UMODL1: variants seen among roughly 807,000 people sequenced by gnomAD.
UMODL1 encodes the protein uromodulin-like 1.
A neutral mutation model predicts 136.3 loss-of-function variants in UMODL1; 128 were observed. That is an observed-to-expected ratio of 0.94 (90% CI 0.81 to 1.09). The LOEUF is 1.09. Ranked by LOEUF, UMODL1 falls within the 50% of genes least tolerant of loss-of-function variation. The pLI, the probability that UMODL1 is intolerant of heterozygous loss-of-function variation, is 0.00. For missense variants in UMODL1, 1,766 were observed against 1,725.6 expected (o/e 1.02, Z -0.41); for synonymous variants, 721 against 720.0 (o/e 1.00, Z -0.02).
intron 19 of UMODL1, 104 bp downstream of exon 19, chr21:42,127,346 G>A: frequency 1.8e-6 from 2 of 1,101,630 alleles, no homozygotes; most frequent in Non-Finnish European, 2.7e-6. Flanking sequence ...CAATGCCCAG[G>A]GCTTCATTAA....
intron 9 of UMODL1, 132 bp from the exon 10 acceptor site, chr21:42,109,430 G>A: frequency 8.5e-7 from 1 of 1,178,846 alleles, no homozygotes; most frequent in Admixed American, 2.1e-5. Flanking sequence ...TTGGACGGAT[G>A]CCCCAAAATG....
chr21:42,107,868 C>A (rs1355242973), intron 9 of UMODL1, among the ~76,000 whole-genome samples: 2 of 152,190 alleles, frequency 1.3e-5, no homozygotes, highest in East Asian at 1.9e-4. Context: ...GCAGCTGCCC[C>A]CATTGCTCCA....
intron 1 of UMODL1, among the ~76,000 whole-genome samples, chr21:42,073,547 G>T (rs2066255505): frequency 6.6e-6 from 1 of 152,154 alleles, no homozygotes; most frequent in Non-Finnish European, 1.5e-5. Context: ...CTTGTGGAGT[G>T]GGGTCGCTGT....
upstream of UMODL1, among the ~76,000 whole-genome samples, chr21:42,067,900 G>T (rs1192198773): frequency 6.6e-6 from 1 of 152,254 alleles, no homozygotes; most frequent in Admixed American, 6.5e-5. Flanking sequence ...AAAAGGAAAA[G>T]TCATTCGGGC....
At chr21:42,065,100 C>G (rs990080338) in intron 1 of UMODL1, among the ~76,000 whole-genome samples, 2 of 152,110 alleles carry the variant, frequency 1.3e-5, no homozygotes, top group African/African-American at 2.4e-5. Context: ...GTCCTTTTAT[C>G]CCAACCTCAG....
chr21:42,081,277 C>T (rs1417854297), intron 2 of UMODL1, among the ~76,000 whole-genome samples: 3 of 152,212 alleles, frequency 2.0e-5, no homozygotes, highest in Non-Finnish European at 4.4e-5. Flanking sequence ...GAGACAGGAG[C>T]GACTCCTCCT....
intron 4 of UMODL1, among the ~76,000 whole-genome samples, chr21:42,086,209 C>T (rs946166277): frequency 2.0e-5 from 3 of 152,232 alleles, no homozygotes; most frequent in African/African-American, 4.8e-5. Context: ...TCAGAGGGGC[C>T]TCAGCTTGGT....
In UMODL1 at chr21:42,104,011, C is replaced by T; in HGVS notation, c.1443C>T (p.Ser481=). The change falls in exon 9 of 23, where the codon TCC becomes TCT. Residue 481 remains serine, a synonymous_variant. Transcript: ENST00000408910. ...ACCCCGGGTTTCCCATGGGCATCTC[C>T]ACGCTGGCCCCCATACTCCAGCCCC... ...VQDPGFPMGI[S]TLAPILQPLL... 6.2e-7 allele frequency: 1 copy of T among 1,614,032 alleles called. No homozygotes were observed. Among genetic ancestry groups the T allele is most frequent in the Non-Finnish European group, 8.5e-7 (1 of 1,180,038 alleles).
At chr21:42,119,813 A>G (rs13047454) in intron 15 of UMODL1, among the ~76,000 whole-genome samples, 57,193 of 152,128 alleles carry the variant, frequency 0.38, 10,911 homozygotes, top group Middle Eastern at 0.48. Context: ...AAAATTGGAG[A>G]TTCATATTAA....
chr21:42,130,492 AGTTGTCCCGTAGTATCT>A (rs138674281), intron 21 of UMODL1, among the ~76,000 whole-genome samples: 3,292 of 152,216 alleles, frequency 0.022, 62 homozygotes, highest in Non-Finnish European at 0.033. Flanking sequence ...AGAAACCGCT[AGTTGTCCCGTAGTATCT>A]GTTCTCCTCC....
upstream of UMODL1, among the ~76,000 whole-genome samples, chr21:42,066,501 G>A (rs1824311590): frequency 6.6e-6 from 1 of 152,154 alleles, no homozygotes. Context: ...GACCAGGCTG[G>A]TCTTGAACTC....
chr21:42,119,937 C>A (rs220148), intron 15 of UMODL1, among the ~76,000 whole-genome samples: 104,651 of 152,094 alleles, frequency 0.69, 36,283 homozygotes, highest in Middle Eastern at 0.79. Context: ...ACCATTTTAA[C>A]GCAAAGTAAA....
chr21:42,084,537 A>C (rs2066402944), intron 3 of UMODL1, among the ~76,000 whole-genome samples: 1 of 152,014 alleles, frequency 6.6e-6, no homozygotes, highest in Non-Finnish European at 1.5e-5. Context: ...AGAGGCCAGG[A>C]GCTCCAGGTA....
rs78516975 is a variant in UMODL1, at chr21:42,121,313, T to A, written c.2827+89T>A. ...TCACGTGCAAAGGGCTTCTTGTCCC[T>A]CTGAGGTCATATTTTTATGTCCTGG... On this transcript the variant is annotated intron_variant, in intron 16 of 22. Transcript: ENST00000408910. 8.6e-3 allele frequency: 12,715 copies of A among 1,482,780 alleles called. 174 individuals carry two copies. Among genetic ancestry groups the A allele is most frequent in the South Asian group, 0.036 (2,713 of 74,872 alleles). The allele number at this position is 1,482,780 out of a possible 1,614,324, so 91.9% of individuals were successfully genotyped here. A position where few individuals can be genotyped will look rare whatever the true frequency, so the allele number is the denominator to read the frequency against.
chr21:42,073,367 C>T (rs975040499), intron 1 of UMODL1, among the ~76,000 whole-genome samples: 2 of 152,222 alleles, frequency 1.3e-5, no homozygotes, highest in African/African-American at 2.4e-5. Flanking sequence ...CTGATTTGTC[C>T]TGTTCCACCC....
At chr21:42,110,699 C>T (rs532567400) in intron 10 of UMODL1, among the ~76,000 whole-genome samples, 181 bp from the exon 11 acceptor site, 33 of 152,286 alleles carry the variant, frequency 2.2e-4, no homozygotes, top group Non-Finnish European at 4.4e-4. Flanking sequence ...CAGAGAGCCC[C>T]GGGGAGGCTG....
At chr21:42,083,987 G>A (rs1420076803) in intron 2 of UMODL1, 97 bp from the exon 3 acceptor site, 32 of 1,466,000 alleles carry the variant, frequency 2.2e-5, no homozygotes, top group Admixed American at 1.1e-4. Context: ...CCTACAGGCA[G>A]AATTCAGCAC....
At chr21:42,077,616 C>A (rs534450071) in intron 2 of UMODL1, among the ~76,000 whole-genome samples, 1 of 152,194 alleles carries the variant, frequency 6.6e-6, no homozygotes, top group African/African-American at 2.4e-5. Flanking sequence ...CTGGGAACTG[C>A]GGATATAGCT....
chr21:42,066,590 C>T (rs556146578), upstream of UMODL1, among the ~76,000 whole-genome samples: 3 of 152,292 alleles, frequency 2.0e-5, no homozygotes, highest in Admixed American at 2.0e-4. Context: ...GGCCAAAAGC[C>T]TAACTTAGTT....
Sources: gnomAD v4.1 joint callset for allele counts (sites outside exome capture counted in the v4.1 genomes callset) on GRCh38, gnomAD v4.1.1 for gene constraint, MANE v1.5 for transcripts, NCBI Gene and HGNC (gene_info 2026-07-23, HGNC 2026-07-21) for gene names.